Variants in MDM2 observed in about 807,000 individuals in gnomAD.
The protein encoded by MDM2 is MDM2 proto-oncogene, also known as E3 ubiquitin-protein ligase Mdm2.
MDM2 carries 11 observed loss-of-function variants against 64.3 expected under a neutral mutation model. That is an observed-to-expected ratio of 0.17 (90% confidence interval 0.11 to 0.28). The LOEUF is 0.28. Among genes scored for constraint, MDM2 ranks in the 10% least tolerant of loss-of-function variants. The pLI, the probability that MDM2 is intolerant of heterozygous loss-of-function variation, is 1.00. For synonymous variants in MDM2, 194 were observed against 192.9 expected, an observed-to-expected ratio of 1.01 and a Z score of -0.05; for missense variants, 388 against 577.1, an observed-to-expected ratio of 0.67 and a Z score of 3.36.
chr12:68,846,405 A>G (rs998017689), downstream of MDM2: 3 of 152,112 alleles, frequency 2.0e-5, no homozygotes, highest in Admixed American at 1.3e-4. Flanking sequence ...CACCTTTTAA[A>G]TTTATTCCAT....
At chr12:68,833,223 TA>T (rs1236249972) in intron 8 of MDM2, among the ~76,000 whole-genome samples, 11 of 104,248 alleles carry the variant, frequency 1.1e-4, no homozygotes. Context: ...TATTATATAT[TA>T]ATGTATATTA....
intron 8 of MDM2, among the ~76,000 whole-genome samples, chr12:68,830,031 A>T (rs1882669448): frequency 6.6e-6 from 1 of 152,294 alleles, no homozygotes; most frequent in South Asian, 2.1e-4. Flanking sequence ...GGCCCAACAC[A>T]AATTCATAAA....
chr12:68,824,129 TAACA>T (rs1882101055), intron 5 of MDM2: 1 of 459,070 alleles, frequency 2.2e-6, no homozygotes, highest in African/African-American at 2.0e-5. Flanking sequence ...CTAATTTATC[TAACA>T]GTCTTTTAAT....
intron 8 of MDM2, among the ~76,000 whole-genome samples, chr12:68,834,298 C>T (rs967291285): frequency 2.6e-5 from 4 of 152,122 alleles, no homozygotes; most frequent in Admixed American, 6.5e-5. Flanking sequence ...AAAAATTAGC[C>T]GGGTGTGGTA....
chr12:68,838,663 A>C (rs1425039765), intron 10 of MDM2, among the ~76,000 whole-genome samples: 2 of 152,188 alleles, frequency 1.3e-5, no homozygotes, highest in African/African-American at 4.8e-5. Flanking sequence ...GGACTCTTGG[A>C]ATAGCGCCTA....
chr12:68,839,217 T>C (rs1883546328), intron 10 of MDM2, 57 bp from the exon 11 acceptor site: 7 of 1,517,492 alleles, frequency 4.6e-6, no homozygotes, highest in Non-Finnish European at 6.2e-6. Context: ...CTAGCATTCC[T>C]GTGACTGAGC....
the MDM2 span, chr12:68,850,667 A>G: frequency 3.3e-5 from 5 of 152,160 alleles, no homozygotes; most frequent in Non-Finnish European, 4.4e-5. Context: ...AATCAATAAA[A>G]TTTGTTATTC....
chr12:68,827,726 T>G (rs1004597600), intron 7 of MDM2, among the ~76,000 whole-genome samples: 3 of 152,238 alleles, frequency 2.0e-5, no homozygotes, highest in Non-Finnish European at 2.9e-5. Flanking sequence ...TAAGGTAGTA[T>G]TCTCATTTAT....
At chr12:68,839,250 A>T (rs2136176830) in intron 10 of MDM2, 24 bp from the exon 11 acceptor site, 1 of 1,597,700 alleles carries the variant, frequency 6.3e-7, no homozygotes, top group Non-Finnish European at 8.5e-7. Flanking sequence ...ACAGAAACTG[A>T]CTGTGTGTCT....
At chr12:68,810,707 C>G (rs542380378) in intron 2 of MDM2, among the ~76,000 whole-genome samples, 1 of 151,872 alleles carries the variant, frequency 6.6e-6, no homozygotes, top group East Asian at 1.9e-4. Flanking sequence ...GTGATCCGCC[C>G]GCCTCGGCCT....
chr12:68,829,471 T>C (rs891054861), intron 8 of MDM2, among the ~76,000 whole-genome samples: 3 of 152,170 alleles, frequency 2.0e-5, no homozygotes, highest in Non-Finnish European at 4.4e-5. Context: ...TGCTGTAAAA[T>C]ACAGGTTTAT....
In MDM2 at chr12:68,839,861, A is replaced by G. The variant is rs1386255686; in HGVS notation, c.*12A>G. ...CTTATTTCCCCTAGTTGACCTGTCT[A>G]TAAGAGAATTATATATTTCTAACTA... On this transcript the variant is annotated 3_prime_UTR_variant, in exon 11 of 11. Transcript: ENST00000258149. 1.9e-6 allele frequency: 3 copies of G among 1,609,140 alleles called. No individual in the cohort carries two copies. Among genetic ancestry groups the G allele is most frequent in the African/African-American group, 2.7e-5 (2 of 74,646 alleles).
chr12:68,831,165 C>T (rs763543239), intron 8 of MDM2, among the ~76,000 whole-genome samples: 6 of 152,146 alleles, frequency 3.9e-5, no homozygotes, highest in African/African-American at 1.4e-4. Flanking sequence ...TTAGATAAAA[C>T]GACACGGACA....
intron 4 of MDM2, among the ~76,000 whole-genome samples, chr12:68,819,304 C>A (rs1881653008): frequency 6.6e-6 from 1 of 152,172 alleles, no homozygotes; most frequent in African/African-American, 2.4e-5. Context: ...TCCATTGTGA[C>A]ATCAACGAAT....
chr12:68,843,092 G>GT lies in MDM2; in HGVS notation c.*3243_*3244insT. 2 of 222,522 alleles carry GT rather than the reference G, an allele frequency of 9.0e-6. No homozygotes were observed. Among genetic ancestry groups the GT allele is most frequent in the Non-Finnish European group, 8.9e-6 (1 of 111,748 alleles). 13.8% of individuals were successfully genotyped at this position (222,522 alleles called of 1,614,324 possible). On this transcript the variant is annotated 3_prime_UTR_variant, in exon 11 of 11. Transcript: ENST00000258149. ...AGTGCCTTTTGCAATTTGTTGTGTG[G>GT]GTTTTTTTTTTTTTAAAGCCACACA...
intron 2 of MDM2, among the ~76,000 whole-genome samples, chr12:68,809,507 T>C (rs1880672369): frequency 6.6e-6 from 1 of 152,244 alleles, no homozygotes. Flanking sequence ...CTTTAAAAAT[T>C]AGTTCCATTA....
intron 8 of MDM2, among the ~76,000 whole-genome samples, chr12:68,829,396 T>A (rs1174619712): frequency 6.6e-6 from 1 of 152,212 alleles, no homozygotes; most frequent in Non-Finnish European, 1.5e-5. Flanking sequence ...AGCAAAAAAG[T>A]CAGCATAGTC....
intron 5 of MDM2, among the ~76,000 whole-genome samples, chr12:68,820,852 T>C (rs927356638): frequency 6.6e-6 from 1 of 152,208 alleles, no homozygotes; most frequent in Non-Finnish European, 1.5e-5. Context: ...CTCTCTTTAA[T>C]AAGCTGATAA....
rs1883632746 is a variant in MDM2 at position 68,840,080 on chromosome 12, A to G, written c.*231A>G. Reference sequence around the variant, plus strand: ...CAACTCCTAATTTTAAATAATTTCTACTCTGTCTTAAATGAGAAGTACTTG... The same window carrying G: ...CAACTCCTAATTTTAAATAATTTCTGCTCTGTCTTAAATGAGAAGTACTTG... On this transcript the variant is annotated 3_prime_UTR_variant, in exon 11 of 11. Coordinates refer to ENST00000258149, the MANE Select transcript of MDM2 (RefSeq NM_002392.6). 2.2e-6 allele frequency: 1 copy of G among 464,246 alleles called. No homozygotes were observed. Among genetic ancestry groups the G allele is most frequent in the East Asian group, 3.5e-5 (1 of 28,498 alleles). The allele number at this position is 464,246 out of a possible 1,614,324, so 28.8% of individuals were successfully genotyped here.
Sources: allele counts gnomAD v4.1 joint callset (sites outside exome capture counted in the v4.1 genomes callset), GRCh38; gene constraint gnomAD v4.1.1; transcripts MANE v1.5; gene names NCBI Gene and HGNC (gene_info 2026-07-23, HGNC 2026-07-21).